The following SYNRG variants were observed in gnomAD, a reference collection of about 807,000 sequenced individuals.
SYNRG encodes AP1 gamma subunit binding protein 1.
In SYNRG, 37 loss-of-function variants were observed where a neutral mutation model predicts 130.9. The ratio of observed to expected loss-of-function variants is 0.28; its 90% CI spans 0.22 to 0.37. SYNRG has a LOEUF of 0.37. Ranked by LOEUF, SYNRG falls within the 10% of genes least tolerant of loss-of-function variation. The pLI, the probability that SYNRG is intolerant of heterozygous loss-of-function variation, is 1.00. For synonymous variants in SYNRG, 539 were observed against 568.1 expected, an observed-to-expected ratio of 0.95 and a Z score of 0.73; for missense variants, 1,338 against 1,588.9, an observed-to-expected ratio of 0.84 and a Z score of 2.68.
chr17:37,600,481 A>T, intron 1 of SYNRG, 78 bp from the exon 2 acceptor site: 1 of 1,423,696 alleles, frequency 7.0e-7, no homozygotes, highest in Non-Finnish European at 9.8e-7. Flanking sequence ...TTTTATATGG[A>T]TAAAAGACTT....
rs758379720 is a variant in SYNRG, at chr17:37,536,135, G to A, written c.3518-8C>T. Reference sequence around the variant, plus strand: ...TGTACACTTCAACAACACCTGACGGGATGAGAGAGCAGAGAGAGAGTGTTG... The same window carrying A: ...TGTACACTTCAACAACACCTGACGGAATGAGAGAGCAGAGAGAGAGTGTTG... On this transcript the variant is annotated splice_region_variant and splice_polypyrimidine_tract_variant and intron_variant, in intron 18 of 21. Transcript: ENST00000612223. The A allele has an allele frequency of 9.4e-6, 15 of 1,604,070 alleles. No individual in the cohort carries two copies. The African/African-American group carries it at 1.7e-4, about 19-fold the overall frequency.
chr17:37,591,672 G>C (rs1450351007), intron 3 of SYNRG, among the ~76,000 whole-genome samples: 1 of 152,126 alleles, frequency 6.6e-6, no homozygotes, highest in Non-Finnish European at 1.5e-5. Context: ...ACTGATTTTT[G>C]ACAAAAATGT....
At chr17:37,548,070 C>T (rs2145156248) in intron 14 of SYNRG, among the ~76,000 whole-genome samples, 1 of 152,336 alleles carries the variant, frequency 6.6e-6, no homozygotes, top group Admixed American at 6.5e-5. Context: ...CACACAGTTA[C>T]ATTCAGTCAT....
intron 14 of SYNRG, among the ~76,000 whole-genome samples, chr17:37,544,424 C>T (rs576636669): frequency 6.6e-6 from 1 of 152,148 alleles, no homozygotes; most frequent in East Asian, 1.9e-4. Flanking sequence ...AAGCGATTCT[C>T]CGGTCTCAGC....
At chr17:37,584,835 G>A (rs2061577121) in intron 5 of SYNRG, 76 bp from the exon 6 acceptor site, 2 of 1,090,296 alleles carry the variant, frequency 1.8e-6, no homozygotes, top group Non-Finnish European at 2.7e-6. Context: ...ATTAAGAAAA[G>A]CACAGATATT....
intron 9 of SYNRG, among the ~76,000 whole-genome samples, chr17:37,571,434 T>C (rs2060426073): frequency 6.6e-6 from 1 of 151,904 alleles, no homozygotes; most frequent in African/African-American, 2.4e-5. Context: ...ATACAAAAAG[T>C]AGCCGGGCAT....
chr17:37,590,963 C>G (rs1021839654), intron 3 of SYNRG, among the ~76,000 whole-genome samples: 25 of 152,182 alleles, frequency 1.6e-4, no homozygotes, highest in South Asian at 4.1e-4. Context: ...GTGATAACAA[C>G]TTCTGAGGAA....
chr17:37,604,068 C>G (rs1033848290), intron 1 of SYNRG, among the ~76,000 whole-genome samples: 3 of 152,118 alleles, frequency 2.0e-5, no homozygotes, highest in Middle Eastern at 6.8e-3. Context: ...TGGTGAAACC[C>G]TATTTCTACT....
chr17:37,540,970 A>G lies in SYNRG; in HGVS notation c.3203-427T>C, dbSNP rs573211131. On this transcript the variant is annotated intron_variant, in intron 15 of 21. Transcript: ENST00000612223. ...TCTTCAGATGCTTATGTCATGAGGCATTCACAAACACATTCCTCATTCATT... is the reference window on the plus strand; with the variant it reads ...TCTTCAGATGCTTATGTCATGAGGCGTTCACAAACACATTCCTCATTCATT... The G allele has an allele frequency of 9.1e-6, 9 of 988,768 alleles. No homozygotes were observed. The South Asian group carries it at 4.2e-4, about 46-fold the overall frequency. The allele number at this position is 988,768 out of a possible 1,614,324, so 61.2% of individuals were successfully genotyped here.
At position 37,553,834 on chromosome 17, in the gene SYNRG, G is replaced by A; in HGVS notation, c.1889C>T (p.Pro630Leu). The A allele has an allele frequency of 6.2e-7, 1 of 1,613,172 alleles. No homozygotes were observed. Among genetic ancestry groups the A allele is most frequent in the Non-Finnish European group, 8.5e-7 (1 of 1,179,818 alleles). The change falls in exon 14 of 22, where the codon CCA becomes CTA. Residue 630 changes from proline (P) to leucine (L), a missense_variant. Physicochemically the swap from Pro to Leu is moderately conservative, Grantham distance 98 (BLOSUM62 -3). This residue lies in a region of SYNRG where 1,146 missense variants were observed against 1,342.3 expected (regional missense o/e 0.85). Coordinates refer to ENST00000612223, the MANE Select transcript of SYNRG (RefSeq NM_007247.6). ...GCTAAACACAGCTGAAAAAGACAATGGTTTCTCGCTGCTGCAATTAACTGA... is the reference window on the plus strand; with the variant it reads ...GCTAAACACAGCTGAAAAAGACAATAGTTTCTCGCTGCTGCAATTAACTGA... ...FSSVNCSSEK[P>L]LSFSAVFSTS...
At chr17:37,545,312 C>T (rs2058183716) in intron 14 of SYNRG, among the ~76,000 whole-genome samples, 1 of 151,976 alleles carries the variant, frequency 6.6e-6, no homozygotes. Flanking sequence ...AGGAGAATCG[C>T]TTGAATAAGG....
At chr17:37,561,332 G>T in intron 12 of SYNRG, 75 bp from the exon 13 acceptor site, 1 of 1,528,072 alleles carries the variant, frequency 6.5e-7, no homozygotes, top group Non-Finnish European at 9.0e-7. Flanking sequence ...GAGGCAGATT[G>T]GTTTAACCAA....
intron 3 of SYNRG, among the ~76,000 whole-genome samples, chr17:37,591,191 G>A (rs2062156349): frequency 1.3e-5 from 2 of 152,094 alleles, no homozygotes; most frequent in Non-Finnish European, 2.9e-5. Flanking sequence ...CAATGAATAT[G>A]TGAACACTGA....
intron 1 of SYNRG, among the ~76,000 whole-genome samples, chr17:37,602,044 G>GT (rs2063333317): frequency 6.6e-6 from 1 of 151,422 alleles, no homozygotes; most frequent in Non-Finnish European, 1.5e-5. Flanking sequence ...AGGTTAAAAA[G>GT]TTAAGCTCTG....
rs1598158088 is a variant in SYNRG, at chr17:37,535,891, A to G, written c.3666+88T>C. On this transcript the variant is annotated intron_variant, in intron 19 of 21. Coordinates refer to ENST00000612223, the MANE Select transcript of SYNRG (RefSeq NM_007247.6). ...CTCCAGTTGGCACCTCCAGCCTCTA[A>G]TAAGTACCATCATAGGAATATACAC... is the stretch of plus-strand genomic sequence containing the variant. 1.1e-5 allele frequency: 17 copies of G among 1,563,948 alleles called. No individual in the cohort carries two copies. In the South Asian group the frequency reaches 1.5e-4, roughly 13 times the overall value.
Position 37,554,023 on chromosome 17 carries a change from T to A in SYNRG, c.1700A>T (p.Asp567Val). ...TGTTTTAAAATCGGTGAAACCATCA[T>A]CAGTTCCTGCAGATCTGAATTCTGC... ...SFAEFRSAGT[D>V]DGFTDFKTAD... Residue 567 changes from aspartate (D) to valine (V), a missense_variant, in exon 14 of 22, where the codon GAT becomes GTT. Physicochemically the swap from Asp to Val is radical, Grantham distance 152 (BLOSUM62 -3). Coordinates refer to ENST00000612223, the MANE Select transcript of SYNRG (RefSeq NM_007247.6). 1 of 1,606,930 alleles carries A rather than the reference T, an allele frequency of 6.2e-7. No homozygotes were observed. Among genetic ancestry groups the A allele is most frequent in the Non-Finnish European group, 8.5e-7 (1 of 1,178,468 alleles).
In SYNRG at chr17:37,607,977, A is replaced by AAAAAC. The variant is rs1555802869; in HGVS notation, c.77+1301_77+1302insGTTTT. ...TCTCAAAAAAAAAAAAAAAAAAAAA[A>AAAAAC]AAACAAGACAAAAGAAAAAGAAAAA... On this transcript the variant is annotated intron_variant, in intron 1 of 21. Transcript: ENST00000612223. Among the ~76,000 whole-genome samples the AAAAAC allele has an allele frequency of 6.1e-4, 74 of 121,530 alleles. 1 individual carries two copies. The highest frequency in any genetic ancestry group is 1.3e-3 in the Admixed American group (15 of 11,430). The allele number at this position is 121,530 out of a possible 152,430, so 79.7% of individuals were successfully genotyped here. A position where few individuals can be genotyped will look rare whatever the true frequency, so the allele number is the denominator to read the frequency against.
chr17:37,533,357 C>T (rs939300551), intron 19 of SYNRG, among the ~76,000 whole-genome samples: 65 of 151,414 alleles, frequency 4.3e-4, no homozygotes, highest in African/African-American at 1.5e-3. Flanking sequence ...GCCGAGATCA[C>T]ACCACTTCCC....
intron 19 of SYNRG, among the ~76,000 whole-genome samples, chr17:37,530,725 G>C (rs1052460862): frequency 4.6e-5 from 7 of 152,212 alleles, no homozygotes; most frequent in African/African-American, 1.2e-4. Flanking sequence ...TAGAGAAATA[G>C]AGGATAAGTA....
Sources: allele counts gnomAD v4.1 joint callset (sites outside exome capture counted in the v4.1 genomes callset), GRCh38; gene constraint gnomAD v4.1.1; regional missense constraint gnomAD v4.1.1; transcripts MANE v1.5; gene names NCBI Gene and HGNC (gene_info 2026-07-23, HGNC 2026-07-21).